Variants in RPS6KA2 observed in about 807,000 individuals in gnomAD.
The protein encoded by RPS6KA2 is ribosomal protein S6 kinase alpha-2.
In RPS6KA2, 42 loss-of-function variants were observed where a neutral mutation model predicts 91.8. The ratio of observed to expected loss-of-function variants is 0.46; its 90% confidence interval spans 0.36 to 0.59. RPS6KA2 has a LOEUF of 0.59. RPS6KA2 is among the 20% of genes least tolerant of loss of function. The probability of loss-of-function intolerance (pLI) is 0.00; values close to 1 mark genes in which losing one functional copy is unlikely to be tolerated. For synonymous variants in RPS6KA2, 414 were observed against 393.6 expected (o/e 1.05, Z -0.61); for missense variants, 798 against 978.5 (o/e 0.82, Z 2.46).
At chr6:166,633,371 G>A (rs1440636717) in intron 2 of RPS6KA2, among the ~76,000 whole-genome samples, 3 of 152,184 alleles carry the variant, frequency 2.0e-5, no homozygotes, top group African/African-American at 7.2e-5. Context: ...CAGTACTTTG[G>A]GCCCATGAGG....
In RPS6KA2 at chr6:166,445,104, G is replaced by A. The variant is rs1054904246; in HGVS notation, c.1332+3620C>T. On this transcript the variant is annotated intron_variant, in intron 14 of 20. Coordinates refer to ENST00000265678, the MANE Select transcript of RPS6KA2 (RefSeq NM_021135.6). This position sits in a 1 kb window ranked among gnomAD's most constrained non-coding sequence, Gnocchi z 4.5. ...CAAAATATAATGATATTCTAAGAAT[G>A]TGAGAAGTACTATGATTCCATACTC... Among the ~76,000 whole-genome samples, 1 of 152,122 alleles carries A rather than the reference G, an allele frequency of 6.6e-6. No homozygotes were observed. The highest frequency in any genetic ancestry group is 2.4e-5 in the African/African-American group (1 of 41,414).
At chr6:166,566,288 C>T (rs1186593767) in intron 1 of RPS6KA2, among the ~76,000 whole-genome samples, 1 of 152,240 alleles carries the variant, frequency 6.6e-6, no homozygotes, top group Non-Finnish European at 1.5e-5. Flanking sequence ...TATGCCAGAA[C>T]ATGCCTGGAA....
intron 2 of RPS6KA2, among the ~76,000 whole-genome samples, chr6:166,833,934 A>T (rs78764274): frequency 6.7e-6 from 1 of 149,320 alleles, no homozygotes; most frequent in African/African-American, 2.5e-5. Flanking sequence ...GGGTTTCACT[A>T]TGTTGACCAG....
chr6:166,517,455 G>GTTTTTTTTTT lies in RPS6KA2; in HGVS notation c.299-7108_299-7099dup, dbSNP rs71032809. On this transcript the variant is annotated intron_variant, in intron 3 of 20. Transcript: ENST00000265678. Reference sequence around the variant, plus strand: ...ACCACTTAAGGCGTTCTTTTGTTTTGTTTTTTTTTTTTTTTTTTTTTTTTT... The same window carrying GTTTTTTTTTT: ...ACCACTTAAGGCGTTCTTTTGTTTTGTTTTTTTTTTTTTTTTTTTTTTTTTTTTTTTTTTT... 4.3e-4 allele frequency among the ~76,000 whole-genome samples: 45 copies of GTTTTTTTTTT among 104,920 alleles called. 1 individual carries two copies. The highest frequency in any genetic ancestry group is 1.6e-3 in the African/African-American group (37 of 22,510). The allele number at this position is 104,920 out of a possible 152,430, so 68.8% of individuals were successfully genotyped here.
intron 2 of RPS6KA2, among the ~76,000 whole-genome samples, chr6:166,735,057 A>T (rs1790638368): frequency 6.6e-6 from 1 of 152,186 alleles, no homozygotes; most frequent in Non-Finnish European, 1.5e-5. Context: ...TCACAAAAAG[A>T]CCATCTTGGA....
At position 166,485,980 on chromosome 6, in the gene RPS6KA2, C is replaced by T. The variant is rs774023051; in HGVS notation, c.907+2853G>A. On this transcript the variant is annotated intron_variant, in intron 10 of 20. Transcript: ENST00000265678. ...TGAGCCCTTGCTGCGTTTCCTGAGC[C>T]GAGTCACTGTGTAACCGTGGGTGTG... Among the ~76,000 whole-genome samples, 12 of 152,166 alleles carry T rather than the reference C, an allele frequency of 7.9e-5. No individual in the cohort carries two copies. In the East Asian group the frequency reaches 9.6e-4, roughly 12 times the overall value.
chr6:166,502,503 C>CA (rs138312153), intron 6 of RPS6KA2, among the ~76,000 whole-genome samples: 2,939 of 152,314 alleles, frequency 0.019, 104 homozygotes, highest in African/African-American at 0.065. Context: ...CCTTCAGGAG[C>CA]AATGAGAACC....
At chr6:166,654,304 C>T (rs1029623177) in intron 2 of RPS6KA2, among the ~76,000 whole-genome samples, 14 of 152,190 alleles carry the variant, frequency 9.2e-5, no homozygotes, top group Non-Finnish European at 1.9e-4. Context: ...TAAAAGTTAT[C>T]ATCATGCTTC....
At chr6:166,552,998 G>A (rs1784066191) in intron 1 of RPS6KA2, among the ~76,000 whole-genome samples, 1 of 152,152 alleles carries the variant, frequency 6.6e-6, no homozygotes, top group Non-Finnish European at 1.5e-5. Flanking sequence ...ACATCTGAAT[G>A]GTTTATTATC....
chr6:166,567,779 T>C (rs1465892446), intron 1 of RPS6KA2, among the ~76,000 whole-genome samples: 1 of 152,188 alleles, frequency 6.6e-6, no homozygotes, highest in Non-Finnish European at 1.5e-5. Context: ...GCCCTTCCCA[T>C]GGAACGAGCT....
At chr6:166,491,279 A>C (rs1356143082) in intron 8 of RPS6KA2, among the ~76,000 whole-genome samples, 2 of 152,126 alleles carry the variant, frequency 1.3e-5, no homozygotes, top group East Asian at 3.9e-4. Context: ...CAGCTGCCGC[A>C]CCCTACATCC....
intron 2 of RPS6KA2, among the ~76,000 whole-genome samples, chr6:166,722,396 G>C (rs901887887): frequency 6.6e-6 from 1 of 152,226 alleles, no homozygotes. Context: ...GAGCCGCAGG[G>C]GGTGGGAGGC....
At chr6:166,790,842 C>A (rs4710101) in intron 2 of RPS6KA2, among the ~76,000 whole-genome samples, 39 of 152,186 alleles carry the variant, frequency 2.6e-4, no homozygotes, top group African/African-American at 9.4e-4. Flanking sequence ...CAGGCCTGCC[C>A]TAAAAGAGCT....
At chr6:166,510,591 ATATATATATATATATATATG>A (rs1782439895) in intron 3 of RPS6KA2, among the ~76,000 whole-genome samples, 2 of 48,912 alleles carry the variant, frequency 4.1e-5, no homozygotes, top group African/African-American at 6.8e-5. Flanking sequence ...ATATATATAT[ATATATATATATATATATATG>A]CATCTCTAGC....
intron 2 of RPS6KA2, among the ~76,000 whole-genome samples, chr6:166,833,277 T>C (rs79516527): frequency 0.016 from 2,465 of 152,358 alleles, 78 homozygotes; most frequent in African/African-American, 0.056. Flanking sequence ...AAGATGAAAC[T>C]GTCTACATCT....
chr6:166,841,758 T>C (rs1780484387), intron 2 of RPS6KA2, among the ~76,000 whole-genome samples: 1 of 152,154 alleles, frequency 6.6e-6, no homozygotes, highest in Non-Finnish European at 1.5e-5. Flanking sequence ...CCTTTTGACA[T>C]GGTATGACGG....
rs192398327 is a variant in RPS6KA2, at chr6:166,786,082, T to A, written c.123+72118A>T. 2.8e-3 allele frequency among the ~76,000 whole-genome samples: 425 copies of A among 152,280 alleles called. 4 individuals are homozygous for A. The highest frequency in any genetic ancestry group is 9.4e-3 in the African/African-American group (391 of 41,552). ...ATCATTTATGGGTGTTTCTTGTTAT[T>A]TGAGAAAATTGAGTTAGGAACAGTG... On this transcript the variant is annotated intron_variant, in intron 2 of 21. Coordinates refer to the RPS6KA2 transcript ENST00000503859.
At chr6:166,583,971 G>T (rs3823198) in intron 1 of RPS6KA2, among the ~76,000 whole-genome samples, 90,829 of 152,128 alleles carry the variant, frequency 0.6, 28,948 homozygotes, top group African/African-American at 0.81. Context: ...TCAACAAAAA[G>T]GCGCATCTTA....
intron 10 of RPS6KA2, among the ~76,000 whole-genome samples, chr6:166,482,624 G>C (rs889373980): frequency 6.6e-5 from 10 of 152,232 alleles, no homozygotes; most frequent in Non-Finnish European, 1.0e-4. Context: ...ATCACAGAAG[G>C]CTTCGGGCGA....
Sources: allele counts gnomAD v4.1 joint callset (sites outside exome capture counted in the v4.1 genomes callset), GRCh38; gene constraint gnomAD v4.1.1; non-coding constraint Gnocchi (gnomAD v3.1); transcripts MANE v1.5; gene names NCBI Gene and HGNC (gene_info 2026-07-23, HGNC 2026-07-21).